The following ENPP6 variants were observed in gnomAD, a reference collection of about 807,000 sequenced individuals.
The protein encoded by ENPP6 is ectonucleotide pyrophosphatase/phosphodiesterase 6, also known as glycerophosphocholine cholinephosphodiesterase ENPP6.
A neutral mutation model predicts 42.0 loss-of-function variants in ENPP6; 32 were observed. The observed-to-expected ratio is 0.76, with a 90% CI of 0.58 to 1.02. The LOEUF is 1.02. Ranked by LOEUF, ENPP6 falls within the 50% of genes least tolerant of loss-of-function variation. The probability of loss-of-function intolerance (pLI) is 0.00; values close to 1 mark genes in which losing one functional copy is unlikely to be tolerated. For synonymous variants in ENPP6, 213 were observed against 216.0 expected (o/e 0.99, Z 0.12); for missense variants, 552 against 566.8 (o/e 0.97, Z 0.27).
chr4:184,166,807 T>A (rs938990623), intron 1 of ENPP6, among the ~76,000 whole-genome samples: 9 of 152,230 alleles, frequency 5.9e-5, no homozygotes, highest in African/African-American at 2.2e-4. Context: ...AGCACCTCCG[T>A]CTTCTGGCTC....
At chr4:184,152,516 G>A (rs1408672474) in intron 2 of ENPP6, among the ~76,000 whole-genome samples, 4 of 152,030 alleles carry the variant, frequency 2.6e-5, no homozygotes, top group Admixed American at 6.5e-5. Context: ...TGCCTTCAAC[G>A]TTCTAGGCCT....
At chr4:184,177,225 G>A (rs62341586) in intron 1 of ENPP6, among the ~76,000 whole-genome samples, 13,075 of 152,226 alleles carry the variant, frequency 0.086, 669 homozygotes, top group South Asian at 0.16. Flanking sequence ...TCCCCACAGC[G>A]CAGCACAGTG....
At chr4:184,092,803 G>T (rs1735831653) in intron 7 of ENPP6, among the ~76,000 whole-genome samples, 1 of 152,128 alleles carries the variant, frequency 6.6e-6, no homozygotes, top group South Asian at 2.1e-4. Flanking sequence ...TTGTTTGGGG[G>T]CCGTAAAGCC....
At chr4:184,095,665 A>AAT (rs1553994028) in intron 7 of ENPP6, among the ~76,000 whole-genome samples, 8,892 of 135,410 alleles carry the variant, frequency 0.066, 853 homozygotes, top group African/African-American at 0.21. Flanking sequence ...AAAAAAAAAA[A>AAT]ATATATCTAT....
intron 2 of ENPP6, among the ~76,000 whole-genome samples, chr4:184,135,530 G>A (rs1354313794): frequency 6.6e-6 from 1 of 152,088 alleles, no homozygotes; most frequent in Non-Finnish European, 1.5e-5. Context: ...TTTGTGCAAT[G>A]TGTCTTTTAA....
intron 1 of ENPP6, among the ~76,000 whole-genome samples, chr4:184,202,311 G>A (rs144872041): frequency 1.3e-5 from 2 of 152,196 alleles, no homozygotes; most frequent in Non-Finnish European, 2.9e-5. Context: ...CTCTTCTTTC[G>A]TATTCACTCA....
intron 1 of ENPP6, among the ~76,000 whole-genome samples, chr4:184,206,819 C>A (rs1301868501): frequency 2.0e-5 from 3 of 152,132 alleles, no homozygotes; most frequent in Non-Finnish European, 4.4e-5. Context: ...AGTTAACATC[C>A]CTGTTGTTGC....
chr4:184,178,994 CATG>C (rs1278503170), intron 1 of ENPP6, among the ~76,000 whole-genome samples: 1 of 152,174 alleles, frequency 6.6e-6, no homozygotes, highest in African/African-American at 2.4e-5. Flanking sequence ...CAGCTAGCAT[CATG>C]ATAACAGGAT....
At chr4:184,158,742 G>A (rs989108504) in intron 1 of ENPP6, among the ~76,000 whole-genome samples, 1 of 152,202 alleles carries the variant, frequency 6.6e-6, no homozygotes, top group African/African-American at 2.4e-5. Flanking sequence ...TGCTTTCAAT[G>A]TCATAAAATA....
intron 2 of ENPP6, 118 bp downstream of exon 2, chr4:184,153,435 CT>C: frequency 8.3e-7 from 1 of 1,210,118 alleles, no homozygotes; most frequent in East Asian, 2.6e-5. Context: ...ATACATATTT[CT>C]TAAATAAAGA....
chr4:184,106,036 A>G (rs1032792648), intron 6 of ENPP6, among the ~76,000 whole-genome samples: 2 of 74,150 alleles, frequency 2.7e-5, no homozygotes, highest in Non-Finnish European at 5.1e-5. Context: ...AAAAATACCA[A>G]GTTGTTTTTT....
intron 6 of ENPP6, among the ~76,000 whole-genome samples, chr4:184,104,934 T>C (rs1409981448): frequency 6.6e-6 from 1 of 152,164 alleles, no homozygotes; most frequent in East Asian, 1.9e-4. Context: ...CTTACAGAAA[T>C]TCCAAGCTGG....
At chr4:184,176,630 C>A (rs1737565274) in intron 1 of ENPP6, among the ~76,000 whole-genome samples, 1 of 152,172 alleles carries the variant, frequency 6.6e-6, no homozygotes. Flanking sequence ...GGCCACCGAG[C>A]TACGTTGGCT....
At chr4:184,145,546 G>T (rs1357126061) in intron 2 of ENPP6, among the ~76,000 whole-genome samples, 1 of 152,200 alleles carries the variant, frequency 6.6e-6, no homozygotes, top group Non-Finnish European at 1.5e-5. Flanking sequence ...GACACACCTG[G>T]CTACATAATT....
At chr4:184,169,809 G>A (rs1293197332) in intron 1 of ENPP6, among the ~76,000 whole-genome samples, 2 of 152,200 alleles carry the variant, frequency 1.3e-5, no homozygotes, top group East Asian at 1.9e-4. Context: ...TACCTCTCAC[G>A]AAGAGCTTAC....
Position 184,184,892 on chromosome 4 carries a change from G to T in ENPP6, c.242-31159C>A, listed in dbSNP as rs190316108. Among the ~76,000 whole-genome samples, 46 of 152,182 alleles carry T rather than the reference G, an allele frequency of 3.0e-4. No individual in the cohort carries two copies. The highest frequency in any genetic ancestry group is 1.1e-3 in the African/African-American group (44 of 41,530). On this transcript the variant is annotated intron_variant, in intron 1 of 7. Coordinates refer to ENST00000296741, the MANE Select transcript of ENPP6 (RefSeq NM_153343.4). This position sits in a 1 kb window ranked among gnomAD's most constrained non-coding sequence, Gnocchi z 4.7. ...ATTCCTGTTGTCTGAGCCACCCAGC[G>T]TGTGGAGTGTGTGACAGCAGCCCTA...
rs1049357860 is a variant in ENPP6 at position 184,187,227 on chromosome 4, C to G, written c.241+30352G>C. 1.1e-4 allele frequency among the ~76,000 whole-genome samples: 17 copies of G among 152,140 alleles called. 2 individuals are homozygous for G. Among genetic ancestry groups the G allele is most frequent in the Admixed American group, 1.1e-3 (17 of 15,278 alleles). On this transcript the variant is annotated intron_variant, in intron 1 of 7. Transcript: ENST00000296741. ...GAATCCTCAAGCTGGGCCAAGGTCA[C>G]CTGTTAGAGGAAAAGGCCTGCACCA...
intron 1 of ENPP6, among the ~76,000 whole-genome samples, chr4:184,207,993 C>T (rs1733028806): frequency 1.8e-5 from 2 of 112,388 alleles, no homozygotes. Flanking sequence ...GAATAGCCCG[C>T]TCTAATGGCC....
At chr4:184,099,548 TGCAGCCGG>T (rs1175466816) in intron 6 of ENPP6, among the ~76,000 whole-genome samples, 5 of 152,202 alleles carry the variant, frequency 3.3e-5, no homozygotes. Flanking sequence ...CCGGGCAGTA[TGCAGCCGG>T]GCAGTGTGGG....
Sources: gnomAD v4.1 joint callset for allele counts (sites outside exome capture counted in the v4.1 genomes callset) on GRCh38, gnomAD v4.1.1 for gene constraint, Gnocchi (gnomAD v3.1) non-coding constraint, MANE v1.5 for transcripts, NCBI Gene and HGNC (gene_info 2026-07-23, HGNC 2026-07-21) for gene names.